BANK1: variants seen among roughly 807,000 people sequenced by gnomAD.
BANK1 encodes the protein B-cell scaffold protein with ankyrin repeats.
A neutral mutation model predicts 94.5 loss-of-function variants in BANK1; 95 were observed. The ratio of observed to expected loss-of-function variants is 1.00; its 90% CI spans 0.85 to 1.19. The LOEUF is 1.19. Ranked by LOEUF, BANK1 falls within the 50% of genes most tolerant of loss-of-function variation. The pLI, the probability that BANK1 is intolerant of heterozygous loss-of-function variation, is 0.00. For synonymous variants in BANK1, 334 were observed against 308.4 expected (o/e 1.08, Z -0.87); for missense variants, 987 against 932.2 (o/e 1.06, Z -0.77).
chr4:102,052,150 G>A (rs955614714), intron 11 of BANK1, among the ~76,000 whole-genome samples: 2 of 127,624 alleles, frequency 1.6e-5, no homozygotes, highest in Middle Eastern at 5.1e-3. Context: ...ACAGAGTCTC[G>A]CTCTGTTGCC....
intron 7 of BANK1, among the ~76,000 whole-genome samples, chr4:101,979,986 G>T (rs1205451331): frequency 6.6e-6 from 1 of 151,682 alleles, no homozygotes; most frequent in Non-Finnish European, 1.5e-5. Flanking sequence ...CCAATTTTGT[G>T]GTTGTTTTGT....
chr4:101,811,100 A>T (rs560754259), intron 1 of BANK1, among the ~76,000 whole-genome samples: 5 of 152,264 alleles, frequency 3.3e-5, no homozygotes, highest in African/African-American at 1.2e-4. Context: ...CAGGGTCAGG[A>T]CTGTTCCTGA....
intron 1 of BANK1, among the ~76,000 whole-genome samples, chr4:101,810,329 A>AT (rs1035304234): frequency 6.6e-6 from 1 of 152,166 alleles, no homozygotes; most frequent in Non-Finnish European, 1.5e-5. Flanking sequence ...TTTGTGATTA[A>AT]TTTTTTTACA....
chr4:101,999,281 T>C (rs934203375), intron 7 of BANK1, among the ~76,000 whole-genome samples: 1 of 152,194 alleles, frequency 6.6e-6, no homozygotes, highest in African/African-American at 2.4e-5. Context: ...CTTTTCCAAC[T>C]TCTAGAAGCT....
chr4:102,071,223 A>C (rs929155553), intron 13 of BANK1, 52 bp from the exon 14 acceptor site: 19 of 1,568,506 alleles, frequency 1.2e-5, no homozygotes, highest in Non-Finnish European at 1.7e-5. Context: ...GAGAGAATTT[A>C]AGATAAATAT....
intron 6 of BANK1, among the ~76,000 whole-genome samples, chr4:101,908,822 G>A (rs2148896497): frequency 6.6e-6 from 1 of 152,292 alleles, no homozygotes; most frequent in East Asian, 1.9e-4. Context: ...ATCATCACTG[G>A]CCATCAGAGA....
chr4:101,930,347 T>A (rs1313089447), intron 7 of BANK1, among the ~76,000 whole-genome samples: 1 of 151,364 alleles, frequency 6.6e-6, no homozygotes, highest in African/African-American at 2.4e-5. Flanking sequence ...GAATAAATTC[T>A]TTCTAAAATT....
At chr4:102,012,358 G>A (rs575107867) in intron 7 of BANK1, among the ~76,000 whole-genome samples, 10 of 149,512 alleles carry the variant, frequency 6.7e-5, no homozygotes, top group South Asian at 2.1e-4. Context: ...CACATTTTCC[G>A]TTTTTAGGTC....
chr4:101,915,357 C>T (rs76422963), intron 6 of BANK1, among the ~76,000 whole-genome samples: 4,054 of 152,138 alleles, frequency 0.027, 72 homozygotes, highest in Non-Finnish European at 0.038. Context: ...TATATTGCTT[C>T]TCATGAAAGA....
intron 5 of BANK1, among the ~76,000 whole-genome samples, chr4:101,879,893 T>C: frequency 6.6e-6 from 1 of 152,018 alleles, no homozygotes; most frequent in Non-Finnish European, 1.5e-5. Context: ...TTCAACATCC[T>C]TTCATGGTAA....
chr4:102,020,130 T>A (rs899601230), intron 7 of BANK1, among the ~76,000 whole-genome samples: 1 of 152,148 alleles, frequency 6.6e-6, no homozygotes, highest in Non-Finnish European at 1.5e-5. Flanking sequence ...TAGGAATTTT[T>A]GCATAATTCT....
chr4:102,011,533 A>G lies in BANK1; in HGVS notation c.1207-9981A>G, dbSNP rs1726514133. Among the ~76,000 whole-genome samples, 4 of 152,268 alleles carry G rather than the reference A, an allele frequency of 2.6e-5. No individual in the cohort carries two copies. In the South Asian group the frequency reaches 6.2e-4, roughly 24 times the overall value. ...TTCGCGCCTTGGGTAGGGCCTCACA[A>G]AATAAAATTTATTTCATTATTATAA... On this transcript the variant is annotated intron_variant, in intron 7 of 16. Coordinates refer to ENST00000322953, the MANE Select transcript of BANK1 (RefSeq NM_017935.5).
intron 2 of BANK1, among the ~76,000 whole-genome samples, chr4:101,847,515 G>A (rs926988019): frequency 6.6e-6 from 1 of 151,906 alleles, no homozygotes; most frequent in African/African-American, 2.4e-5. Flanking sequence ...CACCATATTT[G>A]TAGTCTTCTA....
chr4:102,026,969 G>GT (rs2148949146), intron 9 of BANK1, among the ~76,000 whole-genome samples: 1 of 152,262 alleles, frequency 6.6e-6, no homozygotes, highest in East Asian at 1.9e-4. Flanking sequence ...CTGAAGCCTA[G>GT]TGGATATTCC....
intron 5 of BANK1, among the ~76,000 whole-genome samples, chr4:101,889,370 G>A (rs557241858): frequency 8.6e-5 from 13 of 151,916 alleles, no homozygotes; most frequent in East Asian, 1.9e-4. Context: ...AGGCCGAGGC[G>A]GGTGGATCAT....
chr4:102,037,856 C>G (rs1455127054), intron 10 of BANK1, among the ~76,000 whole-genome samples: 4 of 152,104 alleles, frequency 2.6e-5, no homozygotes, highest in Non-Finnish European at 5.9e-5. Flanking sequence ...ATTCTGTAGA[C>G]ACAGAGGTGA....
At chr4:102,067,616 C>T (rs191186487) in intron 13 of BANK1, among the ~76,000 whole-genome samples, 91 of 151,764 alleles carry the variant, frequency 6.0e-4, no homozygotes, top group African/African-American at 1.9e-3. Context: ...AAAGATAGAG[C>T]GATTCTAAAT....
At chr4:101,796,492 A>G (rs931312366) in intron 1 of BANK1, among the ~76,000 whole-genome samples, 1 of 152,176 alleles carries the variant, frequency 6.6e-6, no homozygotes, top group Admixed American at 6.5e-5. Flanking sequence ...TTCATGCACT[A>G]GGAATAGAGT....
intron 3 of BANK1, among the ~76,000 whole-genome samples, chr4:101,859,824 A>G (rs1727803109): frequency 6.6e-6 from 1 of 152,208 alleles, no homozygotes; most frequent in Non-Finnish European, 1.5e-5. Context: ...CTACGATAAT[A>G]TAAGAAAATA....
Sources: allele counts gnomAD v4.1 joint callset (sites outside exome capture counted in the v4.1 genomes callset), GRCh38; gene constraint gnomAD v4.1.1; transcripts MANE v1.5; gene names NCBI Gene and HGNC (gene_info 2026-07-23, HGNC 2026-07-21).